PTBP2: variants seen among roughly 807,000 people sequenced by gnomAD.
PTBP2 encodes the protein polypyrimidine tract binding protein 2, also known as polypyrimidine tract-binding protein 2.
In PTBP2, 13 loss-of-function variants were observed where a neutral mutation model predicts 61.4. The ratio of observed to expected loss-of-function variants is 0.21; its 90% confidence interval spans 0.14 to 0.34. PTBP2 has a LOEUF of 0.34. Ranked by LOEUF, PTBP2 falls within the 10% of genes least tolerant of loss-of-function variation. PTBP2 has a pLI of 1.00. For missense variants in PTBP2, 405 were observed against 642.6 expected (o/e 0.63, Z 4.00); for synonymous variants, 215 against 218.5 (o/e 0.98, Z 0.14).
intron 11 of PTBP2, 87 bp from the exon 12 acceptor site, chr1:96,812,623 ATT>A (rs1367152013): frequency 5.6e-6 from 6 of 1,063,188 alleles, no homozygotes; most frequent in Non-Finnish European, 8.1e-6. Context: ...TCATAAGAAA[ATT>A]CAAATTTTTA....
chr1:96,783,180 C>G (rs1658880460), intron 7 of PTBP2, among the ~76,000 whole-genome samples: 1 of 151,914 alleles, frequency 6.6e-6, no homozygotes, highest in Non-Finnish European at 1.5e-5. Context: ...TGATTTTACT[C>G]CCTTTCTTAT....
chr1:96,725,216 G>T (rs1366507690), intron 2 of PTBP2, among the ~76,000 whole-genome samples: 1 of 151,984 alleles, frequency 6.6e-6, no homozygotes, highest in Admixed American at 6.6e-5. Context: ...AGAGGAGTTT[G>T]TAGACAAGGC....
At chr1:96,821,850 A>T (rs1235296754) in exon 14 of PTBP2, 30 of 151,712 alleles carry the variant, frequency 2.0e-4, no homozygotes, top group Admixed American at 2.0e-3. Flanking sequence ...CTGGTTTCGA[A>T]CTCCTGACCT....
At position 96,763,829 on chromosome 1, in the gene PTBP2, A is replaced by G. The variant is rs541018054; in HGVS notation, c.116-5874A>G. On this transcript the variant is annotated intron_variant, in intron 3 of 13. Transcript: ENST00000674951. ...TTTTTCTATTTTTTTTCTGACAAAA[A>G]TGAAAGTCTGCATATATTCTAAGAG... Among the ~76,000 whole-genome samples, 12 of 152,328 alleles carry G rather than the reference A, an allele frequency of 7.9e-5. No homozygotes were observed. The South Asian group carries it at 2.3e-3, about 29-fold the overall frequency.
intron 3 of PTBP2, among the ~76,000 whole-genome samples, chr1:96,751,823 CAT>C (rs933920541): frequency 1.3e-5 from 2 of 151,660 alleles, no homozygotes; most frequent in Non-Finnish European, 2.9e-5. Context: ...GTTTGTGTGT[CAT>C]ATAATATTTT....
downstream of PTBP2, chr1:96,817,435 T>C (rs1420213530): frequency 1.3e-5 from 2 of 152,130 alleles, no homozygotes; most frequent in Non-Finnish European, 2.9e-5. Flanking sequence ...TTTATAGTTA[T>C]TCTTTGTTAT....
intron 8 of PTBP2, among the ~76,000 whole-genome samples, chr1:96,801,934 G>A (rs530615399): frequency 1.3e-5 from 2 of 150,430 alleles, no homozygotes; most frequent in Non-Finnish European, 1.5e-5. Context: ...ACATTAGGCC[G>A]GGCGCGGTGG....
chr1:96,794,792 G>C (rs1166807949), intron 8 of PTBP2, among the ~76,000 whole-genome samples: 1 of 152,110 alleles, frequency 6.6e-6, no homozygotes, highest in African/African-American at 2.4e-5. Flanking sequence ...GAAATTGGGA[G>C]GGTTTTATGG....
chr1:96,795,281 T>C (rs959217837), intron 8 of PTBP2, among the ~76,000 whole-genome samples: 2 of 152,132 alleles, frequency 1.3e-5, no homozygotes, highest in African/African-American at 2.4e-5. Context: ...AAATCTAAGC[T>C]AGGAACGTAA....
At chr1:96,750,727 C>T (rs1331445951) in intron 2 of PTBP2, among the ~76,000 whole-genome samples, 1 of 151,966 alleles carries the variant, frequency 6.6e-6, no homozygotes, top group East Asian at 1.9e-4. Flanking sequence ...ATAACTAAGG[C>T]AAAACAGTTG....
At chr1:96,782,280 C>T (rs1453147365) in intron 7 of PTBP2, among the ~76,000 whole-genome samples, 1 of 151,818 alleles carries the variant, frequency 6.6e-6, no homozygotes, top group Non-Finnish European at 1.5e-5. Context: ...TTTATTTCTT[C>T]CAGGAGATTC....
intron 3 of PTBP2, among the ~76,000 whole-genome samples, chr1:96,754,348 A>T (rs1204584724): frequency 6.6e-6 from 1 of 152,150 alleles, no homozygotes; most frequent in Admixed American, 6.6e-5. Context: ...TGTAAACAAC[A>T]ACTTTGTATT....
chr1:96,804,836 A>G lies in PTBP2; in HGVS notation c.941A>G (p.Asn314Ser), dbSNP rs1661349642. 1 of 1,611,910 alleles carries G rather than the reference A, an allele frequency of 6.2e-7. No individual in the cohort carries two copies. The highest frequency in any genetic ancestry group is 8.5e-7 in the Non-Finnish European group (1 of 1,178,378). The change falls in exon 9 of 14, where the codon AAT becomes AGT. Residue 314 changes from asparagine (N) to serine (S), a missense_variant. Transcript: ENST00000674951. ...PGALSPLAIP[N>S]AAAAAAAAAA... ...GCTCTGAGTCCTTTGGCCATTCCAA[A>G]TGCTGCTGCAGCAGCTGCTGCAGCT... is the stretch of plus-strand genomic sequence containing the variant.
At chr1:96,761,892 C>T (rs1009823165) in intron 3 of PTBP2, among the ~76,000 whole-genome samples, 14 of 152,030 alleles carry the variant, frequency 9.2e-5, no homozygotes, top group African/African-American at 2.2e-4. Flanking sequence ...TGCGGACTTC[C>T]GCAGTGTTTG....
intron 3 of PTBP2, among the ~76,000 whole-genome samples, chr1:96,756,563 T>C (rs1489324065): frequency 6.6e-6 from 1 of 152,170 alleles, no homozygotes; most frequent in Admixed American, 6.5e-5. Flanking sequence ...AGGAGGTGAA[T>C]GGCCAAATAA....
chr1:96,803,657 A>C (rs1257448225), intron 8 of PTBP2, among the ~76,000 whole-genome samples: 1 of 152,190 alleles, frequency 6.6e-6, no homozygotes, highest in Non-Finnish European at 1.5e-5. Context: ...CTATAAAGTC[A>C]AAAGATCAAA....
chr1:96,812,639 TGTTAC>T lies in PTBP2; in HGVS notation c.1172-68_1172-64del, dbSNP rs1179421319. ...CATAAGAAAATTCAAATTTTTAAAC[TGTTAC>T]GTTAAAAGAATTATGTTTGTTTTGA... is the stretch of plus-strand genomic sequence containing the variant. On this transcript the variant is annotated intron_variant, in intron 11 of 13. Transcript: ENST00000674951. 5 of 1,203,412 alleles carry T rather than the reference TGTTAC, an allele frequency of 4.2e-6. No individual in the cohort carries two copies. The East Asian group carries it at 9.9e-5, about 24-fold the overall frequency. 74.5% of individuals were successfully genotyped at this position (1,203,412 alleles called of 1,614,324 possible).
intron 3 of PTBP2, among the ~76,000 whole-genome samples, chr1:96,768,306 T>C (rs1337019350): frequency 6.6e-6 from 1 of 151,970 alleles, no homozygotes; most frequent in African/African-American, 2.4e-5. Context: ...ACCCAGTAAA[T>C]GTTTAAGGAA....
At chr1:96,746,817 T>TTGTC (rs142315770) in intron 2 of PTBP2, among the ~76,000 whole-genome samples, 15 of 92,410 alleles carry the variant, frequency 1.6e-4, no homozygotes, top group South Asian at 4.1e-4. Flanking sequence ...TTATGCTGTC[T>TTGTC]TGTCTGTCTG....
Sources: gnomAD v4.1 joint callset for allele counts (sites outside exome capture counted in the v4.1 genomes callset) on GRCh38, gnomAD v4.1.1 for gene constraint, MANE v1.5 for transcripts, NCBI Gene and HGNC (gene_info 2026-07-23, HGNC 2026-07-21) for gene names.